Variants in FAM135B observed in about 807,000 individuals in gnomAD.
FAM135B encodes protein FAM135B.
Under a neutral mutation model 127.7 loss-of-function variants are expected in FAM135B, and 43 were observed. That is an observed-to-expected ratio of 0.34 (90% CI 0.26 to 0.43). The LOEUF is 0.43. Ranked by LOEUF, FAM135B falls within the 20% of genes least tolerant of loss-of-function variation. FAM135B has a pLI of 1.00. For missense variants in FAM135B, 1,558 were observed against 1,725.6 expected, an observed-to-expected ratio of 0.90 and a Z score of 1.72; for synonymous variants, 670 against 665.1, an observed-to-expected ratio of 1.01 and a Z score of -0.11.
At chr8:138,470,579 G>C (rs183303799) in intron 1 of FAM135B, among the ~76,000 whole-genome samples, 100 of 152,254 alleles carry the variant, frequency 6.6e-4, no homozygotes, top group Middle Eastern at 3.4e-3. Context: ...TATCAGTATT[G>C]TCTTCAATCT....
chr8:138,376,519 G>A (rs1245352562), intron 1 of FAM135B, among the ~76,000 whole-genome samples: 1 of 152,086 alleles, frequency 6.6e-6, no homozygotes, highest in East Asian at 1.9e-4. Flanking sequence ...AGTTTTCAGT[G>A]GTTTCTCTGG....
intron 1 of FAM135B, among the ~76,000 whole-genome samples, chr8:138,491,212 CCAA>C (rs1564040540): frequency 6.6e-6 from 1 of 151,366 alleles, no homozygotes; most frequent in Non-Finnish European, 1.5e-5. Flanking sequence ...ATCACAAAGC[CCAA>C]CAACAAAAGC....
intron 1 of FAM135B, among the ~76,000 whole-genome samples, chr8:138,488,434 A>C (rs1405543541): frequency 6.6e-6 from 1 of 151,846 alleles, no homozygotes; most frequent in Non-Finnish European, 1.5e-5. Flanking sequence ...TGAGGAAAAA[A>C]AAAAAAGCAA....
intron 1 of FAM135B, among the ~76,000 whole-genome samples, chr8:138,458,035 C>T (rs973631600): frequency 4.6e-5 from 7 of 151,518 alleles, no homozygotes; most frequent in African/African-American, 1.7e-4. Flanking sequence ...CGCCTATAGT[C>T]TAGCTACATG....
intron 1 of FAM135B, among the ~76,000 whole-genome samples, chr8:138,408,626 T>C (rs117721618): frequency 0.038 from 5,844 of 152,206 alleles, 162 homozygotes; most frequent in Middle Eastern, 0.095. Flanking sequence ...CTTGCATGGC[T>C]GGGGGGCCTT....
chr8:138,440,700 A>C (rs1336711711), intron 1 of FAM135B: 2 of 152,208 alleles, frequency 1.3e-5, no homozygotes, highest in Non-Finnish European at 2.9e-5. Flanking sequence ...CACAGAGTAT[A>C]GATGGGAAAC....
At chr8:138,416,856 C>G (rs940433185) in intron 1 of FAM135B, among the ~76,000 whole-genome samples, 1 of 152,066 alleles carries the variant, frequency 6.6e-6, no homozygotes. Context: ...AGAAGCCCTG[C>G]ATGGAGTTGC....
At position 138,250,915 on chromosome 8, in the gene FAM135B, G is replaced by A. The variant is rs747361698; in HGVS notation, c.468C>T (p.Phe156=). 5.6e-6 allele frequency: 9 copies of A among 1,613,890 alleles called. No homozygotes were observed. The highest frequency in any genetic ancestry group is 2.2e-5 in the East Asian group (1 of 44,850). ...NGLHHQVPVM[F]DYFHLSVISV... The stretch of plus-strand genomic sequence containing the variant: ...AGATCACAGACAGGTGGAAATAGTC[G>A]AACATGACCGGGACCTGGTGGTGCA... Residue 156 remains phenylalanine (F), a synonymous_variant, in exon 6 of 20, where the codon TTC becomes TTT. Coordinates refer to ENST00000395297, the MANE Select transcript of FAM135B (RefSeq NM_015912.4).
chr8:138,465,224 G>C (rs1440452099), intron 1 of FAM135B, among the ~76,000 whole-genome samples: 2 of 152,162 alleles, frequency 1.3e-5, no homozygotes, highest in Non-Finnish European at 1.5e-5. Context: ...CACGTATCAG[G>C]TGTTTAGACC....
At chr8:138,321,094 CT>C (rs1827422359) in intron 2 of FAM135B, among the ~76,000 whole-genome samples, 1 of 152,158 alleles carries the variant, frequency 6.6e-6, no homozygotes, top group Non-Finnish European at 1.5e-5. Context: ...GGTTGGAAAA[CT>C]TAACGCTAGT....
At chr8:138,389,060 T>G (rs1832384582) in intron 1 of FAM135B, among the ~76,000 whole-genome samples, 1 of 152,186 alleles carries the variant, frequency 6.6e-6, no homozygotes. Flanking sequence ...CTAAAACTGC[T>G]CTTAAAAATA....
intron 7 of FAM135B, among the ~76,000 whole-genome samples, chr8:138,224,256 A>G (rs1819241825): frequency 6.6e-6 from 1 of 152,198 alleles, no homozygotes; most frequent in Non-Finnish European, 1.5e-5. Flanking sequence ...ATAATTGCAG[A>G]CCAAAGAATT....
chr8:138,173,508 T>C (rs192195172), intron 11 of FAM135B, among the ~76,000 whole-genome samples: 53 of 152,224 alleles, frequency 3.5e-4, no homozygotes, highest in African/African-American at 1.2e-3. Context: ...AGTTTCTTCT[T>C]CTTTAAAGTG....
intron 1 of FAM135B, among the ~76,000 whole-genome samples, chr8:138,494,897 C>G (rs895385312): frequency 6.6e-6 from 1 of 151,204 alleles, no homozygotes; most frequent in Admixed American, 6.6e-5. Flanking sequence ...TCAAACTAGA[C>G]GAGTGCTGCA....
At chr8:138,237,482 C>T (rs970141341) in intron 7 of FAM135B, among the ~76,000 whole-genome samples, 11 of 152,136 alleles carry the variant, frequency 7.2e-5, no homozygotes, top group Non-Finnish European at 1.2e-4. Context: ...TCTTTAATGA[C>T]GGTCTGTCAG....
chr8:138,174,794 A>G (rs1453855664), intron 11 of FAM135B, among the ~76,000 whole-genome samples: 1 of 152,148 alleles, frequency 6.6e-6, no homozygotes, highest in East Asian at 1.9e-4. Context: ...CAATTCATGA[A>G]CTAGGACTCT....
rs577328389 is a variant in FAM135B at position 138,242,491 on chromosome 8, A to C, written c.669+451T>G. Among the ~76,000 whole-genome samples, 13 of 152,146 alleles carry C rather than the reference A, an allele frequency of 8.5e-5. No homozygotes were observed. The South Asian group carries it at 2.1e-3, about 24-fold the overall frequency. ...CTAGGAACTTTACATTTATTACAAC[A>C]TTTGGGTACATATAACACTCCATGA... On this transcript the variant is annotated intron_variant, in intron 7 of 19. Transcript: ENST00000395297. The surrounding 1 kb of genome is among the most constrained non-coding windows in gnomAD (Gnocchi z 9.6).
chr8:138,215,904 T>C (rs930508499), intron 7 of FAM135B, among the ~76,000 whole-genome samples: 3 of 152,136 alleles, frequency 2.0e-5, no homozygotes, highest in Non-Finnish European at 2.9e-5. Context: ...CTCTCGGGAA[T>C]GAGAATGAGA....
chr8:138,189,923 C>A (rs183765964), intron 9 of FAM135B, among the ~76,000 whole-genome samples: 326 of 152,290 alleles, frequency 2.1e-3, no homozygotes, highest in African/African-American at 7.3e-3. Context: ...CACAGACAAC[C>A]TGCTGGCACA....
Sources: gnomAD v4.1 joint callset for allele counts (sites outside exome capture counted in the v4.1 genomes callset) on GRCh38, gnomAD v4.1.1 for gene constraint, Gnocchi (gnomAD v3.1) non-coding constraint, MANE v1.5 for transcripts, NCBI Gene and HGNC (gene_info 2026-07-23, HGNC 2026-07-21) for gene names.